Variants in DNAAF11 observed in about 807,000 individuals in gnomAD.
The protein encoded by DNAAF11 is leucine rich repeat containing 6.
In DNAAF11, 45 loss-of-function variants were observed where a neutral mutation model predicts 60.8. That is an observed-to-expected ratio of 0.74 (90% CI 0.58 to 0.95). DNAAF11 has a LOEUF of 0.95. Ranked by LOEUF, DNAAF11 falls within the 40% of genes least tolerant of loss-of-function variation. The probability of loss-of-function intolerance (pLI) is 0.00; values close to 1 mark genes in which losing one functional copy is unlikely to be tolerated. For missense variants in DNAAF11, 546 were observed against 546.2 expected, an observed-to-expected ratio of 1.00 and a Z score of 0.00; for synonymous variants, 191 against 183.5, an observed-to-expected ratio of 1.04 and a Z score of -0.33.
chr8:132,690,153 A>G, the DNAAF11 span, among the ~76,000 whole-genome samples: 1 of 152,194 alleles, frequency 6.6e-6, no homozygotes, highest in African/African-American at 2.4e-5. Context: ...GTCCCATTAT[A>G]TAGGTATCCT....
At chr8:132,637,777 A>C (rs1028998067) in intron 4 of DNAAF11, among the ~76,000 whole-genome samples, 158 bp downstream of exon 4, 1 of 152,256 alleles carries the variant, frequency 6.6e-6, no homozygotes, top group African/African-American at 2.4e-5. Context: ...TATTCAAACA[A>C]TATTAAAGGT....
chr8:132,601,124 G>C (rs917650986), intron 10 of DNAAF11, among the ~76,000 whole-genome samples: 3 of 152,184 alleles, frequency 2.0e-5, no homozygotes, highest in Non-Finnish European at 2.9e-5. Flanking sequence ...GATATGAACA[G>C]ACATTTCTCA....
chr8:132,608,361 TA>T, intron 10 of DNAAF11: 1 of 321,102 alleles, frequency 3.1e-6, no homozygotes, highest in Non-Finnish European at 6.2e-6. Context: ...TCCTAGTCCA[TA>T]TATATATAAA....
Position 132,656,911 on chromosome 8 carries a change from A to T in DNAAF11, c.179-4T>A. 1 of 1,162,348 alleles carries T rather than the reference A, an allele frequency of 8.6e-7. No homozygotes were observed. The highest frequency in any genetic ancestry group is 1.3e-6 in the Non-Finnish European group (1 of 791,478). The allele number at this position is 1,162,348 out of a possible 1,614,324, so 72.0% of individuals were successfully genotyped here. On this transcript the variant is annotated splice_polypyrimidine_tract_variant and splice_region_variant and intron_variant, in intron 2 of 11. Transcript: ENST00000620350. ...TTCTTGAGTTTGCTAACATTTTCTGAAATACAAGATAATGTAGTTAAGATA... is the reference window on the plus strand; with the variant it reads ...TTCTTGAGTTTGCTAACATTTTCTGTAATACAAGATAATGTAGTTAAGATA...
At chr8:132,578,926 G>A (rs113462898) in intron 11 of DNAAF11, among the ~76,000 whole-genome samples, 200 of 152,290 alleles carry the variant, frequency 1.3e-3, no homozygotes, top group African/African-American at 4.5e-3. Flanking sequence ...GCAGTCTAAC[G>A]GGACACCCTC....
chr8:132,582,851 A>G (rs1484405927), intron 11 of DNAAF11, among the ~76,000 whole-genome samples: 1 of 152,234 alleles, frequency 6.6e-6, no homozygotes, highest in Admixed American at 6.5e-5. Flanking sequence ...CATCTGGATG[A>G]TAAGAGTCTG....
intron 10 of DNAAF11, among the ~76,000 whole-genome samples, chr8:132,607,194 T>C (rs1232040327): frequency 6.6e-6 from 1 of 152,206 alleles, no homozygotes; most frequent in Non-Finnish European, 1.5e-5. Context: ...GCTATCTTTA[T>C]GAGATGGCCA....
chr8:132,578,503 A>C, intron 11 of DNAAF11: 1 of 1,530,408 alleles, frequency 6.5e-7, no homozygotes, highest in Non-Finnish European at 8.8e-7. Context: ...CACCTCTAGA[A>C]TCCAGTAGAA....
chr8:132,664,498 T>C (rs1824433961), intron 1 of DNAAF11, among the ~76,000 whole-genome samples: 1 of 152,202 alleles, frequency 6.6e-6, no homozygotes, highest in Non-Finnish European at 1.5e-5. Flanking sequence ...TGAGACACGG[T>C]CTCACTCTGT....
chr8:132,613,505 T>G (rs962557699), intron 8 of DNAAF11, among the ~76,000 whole-genome samples: 1 of 152,102 alleles, frequency 6.6e-6, no homozygotes, highest in Non-Finnish European at 1.5e-5. Flanking sequence ...GAAAACAGAT[T>G]AGTGGTTGCC....
At chr8:132,650,909 G>A (rs564509589) in intron 3 of DNAAF11, among the ~76,000 whole-genome samples, 3 of 152,266 alleles carry the variant, frequency 2.0e-5, no homozygotes, top group South Asian at 2.1e-4. Flanking sequence ...CCCTCCAAAT[G>A]TTCATTATAT....
At position 132,675,527 on chromosome 8, in the gene DNAAF11, G is replaced by A. The variant is rs745386664; in HGVS notation, c.-34C>T. On this transcript the variant is annotated 5_prime_UTR_variant, in exon 1 of 12. Transcript: ENST00000620350. ...TCCAGTTCGCTGACCCCGCAAGCCG[G>A]ACCCGGACCTCGAATGACGCTTTTC... 2.6e-6 allele frequency: 4 copies of A among 1,552,090 alleles called. No homozygotes were observed. Among genetic ancestry groups the A allele is most frequent in the Admixed American group, 1.8e-5 (1 of 54,376 alleles).
upstream of DNAAF11, among the ~76,000 whole-genome samples, chr8:132,677,124 C>T (rs1825789295): frequency 6.6e-6 from 1 of 152,194 alleles, no homozygotes; most frequent in Non-Finnish European, 1.5e-5. Context: ...GACACGCTGA[C>T]ACTGACACGT....
At chr8:132,624,607 A>G (rs1820069210) in intron 6 of DNAAF11, among the ~76,000 whole-genome samples, 1 of 152,176 alleles carries the variant, frequency 6.6e-6, no homozygotes, top group South Asian at 2.1e-4. Context: ...ATTGCCATGT[A>G]GATTACTATA....
chr8:132,645,656 T>C lies in DNAAF11; in HGVS notation c.257-7549A>G, dbSNP rs191284737. On this transcript the variant is annotated intron_variant, in intron 3 of 11. Coordinates refer to ENST00000620350, the MANE Select transcript of DNAAF11 (RefSeq NM_012472.6). ...GTAGAGAAGACCTTAAATGACCTGA[T>C]GGAGCTGACAATCATGGCATGAGAA... Among the ~76,000 whole-genome samples, 5 of 152,154 alleles carry C rather than the reference T, an allele frequency of 3.3e-5. No homozygotes were observed. The East Asian group carries it at 9.7e-4, about 29-fold the overall frequency.
At chr8:132,690,075 A>C in the DNAAF11 span, among the ~76,000 whole-genome samples, 2 of 152,188 alleles carry the variant, frequency 1.3e-5, no homozygotes, top group African/African-American at 4.8e-5. Flanking sequence ...CATTATTTTT[A>C]ATTAAATTTT....
At chr8:132,643,669 G>T in intron 3 of DNAAF11, 1 of 456,208 alleles carries the variant, frequency 2.2e-6, no homozygotes. Flanking sequence ...TCCACATCAG[G>T]AAGTCAATAG....
chr8:132,642,365 T>C (rs1563671390), intron 3 of DNAAF11, among the ~76,000 whole-genome samples: 1 of 152,250 alleles, frequency 6.6e-6, no homozygotes, highest in African/African-American at 2.4e-5. Flanking sequence ...ATGCCCATCA[T>C]GTGCACTCAT....
chr8:132,654,461 G>T (rs1823335757), intron 3 of DNAAF11, among the ~76,000 whole-genome samples: 1 of 151,922 alleles, frequency 6.6e-6, no homozygotes, highest in South Asian at 2.1e-4. Flanking sequence ...CCCAAGAATG[G>T]CAGCATGTAC....
Sources: allele counts gnomAD v4.1 joint callset (sites outside exome capture counted in the v4.1 genomes callset), GRCh38; gene constraint gnomAD v4.1.1; transcripts MANE v1.5; gene names NCBI Gene and HGNC (gene_info 2026-07-23, HGNC 2026-07-21).